Variants in PPP4R4 observed in about 807,000 individuals in gnomAD.
PPP4R4 encodes serine/threonine-protein phosphatase 4 regulatory subunit 4.
In PPP4R4, 70 loss-of-function variants were observed where a neutral mutation model predicts 121.8. The ratio of observed to expected loss-of-function variants is 0.57; its 90% CI spans 0.47 to 0.70. PPP4R4 has a LOEUF of 0.70. Among genes scored for constraint, PPP4R4 ranks in the 30% least tolerant of loss-of-function variants. The pLI is 0.00. For missense variants in PPP4R4, 875 were observed against 1,033.6 expected, an observed-to-expected ratio of 0.85 and a Z score of 2.10; for synonymous variants, 348 against 355.7, an observed-to-expected ratio of 0.98 and a Z score of 0.24.
intron 3 of PPP4R4, among the ~76,000 whole-genome samples, chr14:94,217,564 A>G (rs968203725): frequency 6.6e-6 from 1 of 152,214 alleles, no homozygotes; most frequent in Non-Finnish European, 1.5e-5. Context: ...GTCAGAGATG[A>G]CCCAGATATT....
Position 94,250,040 on chromosome 14 carries a change from A to T in PPP4R4, c.1612-132A>T, listed in dbSNP as rs77922833. 4,071 of 597,440 alleles carry T rather than the reference A, an allele frequency of 6.8e-3. 120 individuals are homozygous for T. Among genetic ancestry groups the T allele is most frequent in the African/African-American group, 0.066 (3,572 of 54,180 alleles). 37.0% of individuals were successfully genotyped at this position (597,440 alleles called of 1,614,324 possible). ...AAATTATGAAGATACTTCCAGAAGG[A>T]TGTAAGTTCAGTGAGTTGAGAGGCA... is the stretch of plus-strand genomic sequence containing the variant. On this transcript the variant is annotated intron_variant, in intron 14 of 24. Coordinates refer to ENST00000304338, the MANE Select transcript of PPP4R4 (RefSeq NM_058237.2).
At position 94,174,602 on chromosome 14, in the gene PPP4R4, C is replaced by T; in HGVS notation, c.117+20C>T. Reference sequence around the variant, plus strand: ...CTCAAGGTGCGCCCCGGGGAGAGGACCTGCCCTCACGGCGTCCGGCCGCCT... The same window carrying T: ...CTCAAGGTGCGCCCCGGGGAGAGGATCTGCCCTCACGGCGTCCGGCCGCCT... On this transcript the variant is annotated intron_variant, in intron 1 of 24. Transcript: ENST00000304338. The T allele has an allele frequency of 1.9e-6, 3 of 1,607,676 alleles. No homozygotes were observed. The highest frequency in any genetic ancestry group is 2.5e-6 in the Non-Finnish European group (3 of 1,177,252).
Position 94,242,359 on chromosome 14 carries a change from A to G in PPP4R4, c.1217A>G (p.His406Arg), listed in dbSNP as rs780837321. The G allele has an allele frequency of 3.7e-6, 6 of 1,610,498 alleles. No individual in the cohort carries two copies. The highest frequency in any genetic ancestry group is 2.7e-5 in the African/African-American group (2 of 74,780). The change falls in exon 11 of 25, where the codon CAT (histidine) becomes CGT (arginine). Residue 406 changes from histidine (H) to arginine (R), a missense_variant. By Grantham distance (29) the His-to-Arg change is conservative. Coordinates refer to ENST00000304338, the MANE Select transcript of PPP4R4 (RefSeq NM_058237.2). ...ELYSTFFCLC[H>R]DPEVPVRYTI... ...TATTCTACATTCTTCTGCCTTTGCC[A>G]TGACCCTGAAGTACCAGTCAGATAC... is the stretch of plus-strand genomic sequence containing the variant.
chr14:94,225,767 AATG>A (rs1891663732), intron 3 of PPP4R4, among the ~76,000 whole-genome samples: 1 of 152,192 alleles, frequency 6.6e-6, no homozygotes, highest in Non-Finnish European at 1.5e-5. Context: ...ATGAAATTAA[AATG>A]ATATTATCTT....
chr14:94,194,296 G>A (rs1348156867), intron 2 of PPP4R4, among the ~76,000 whole-genome samples: 1 of 152,120 alleles, frequency 6.6e-6, no homozygotes, highest in Non-Finnish European at 1.5e-5. Context: ...TTTGTTGAGT[G>A]GGCTTGTGTT....
intron 3 of PPP4R4, among the ~76,000 whole-genome samples, chr14:94,222,606 T>G (rs1377584528): frequency 6.6e-6 from 1 of 151,924 alleles, no homozygotes; most frequent in African/African-American, 2.4e-5. Context: ...AGAACACCTT[T>G]TAGTATTCAG....
At chr14:94,265,667 A>G (rs1894009066) in intron 21 of PPP4R4, 127 bp from the exon 22 acceptor site, 1 of 838,066 alleles carries the variant, frequency 1.2e-6, no homozygotes, top group Non-Finnish European at 1.9e-6. Context: ...AGTGAGCTCA[A>G]ATTAAGGAAA....
intron 3 of PPP4R4, among the ~76,000 whole-genome samples, chr14:94,224,520 A>G (rs972571505): frequency 1.3e-5 from 2 of 152,196 alleles, no homozygotes; most frequent in Non-Finnish European, 2.9e-5. Context: ...TAAAAAACCA[A>G]TAGTATCAAC....
At position 94,174,591 on chromosome 14, in the gene PPP4R4, C is replaced by A; in HGVS notation, c.117+9C>A. 1 of 1,610,446 alleles carries A rather than the reference C, an allele frequency of 6.2e-7. No individual in the cohort carries two copies. The highest frequency in any genetic ancestry group is 1.1e-5 in the South Asian group (1 of 90,908). On this transcript the variant is annotated intron_variant, in intron 1 of 24. Transcript: ENST00000304338. Reference sequence around the variant, plus strand: ...TCCGCCGGAGCCTCAAGGTGCGCCCCGGGGAGAGGACCTGCCCTCACGGCG... The same window carrying A: ...TCCGCCGGAGCCTCAAGGTGCGCCCAGGGGAGAGGACCTGCCCTCACGGCG...
intron 3 of PPP4R4, among the ~76,000 whole-genome samples, chr14:94,216,737 C>T (rs1488558354): frequency 6.6e-6 from 1 of 152,132 alleles, no homozygotes; most frequent in Non-Finnish European, 1.5e-5. Context: ...GCTTTTACAG[C>T]CCAGGTGAAG....
chr14:94,250,139 A>G (rs1163439100), intron 14 of PPP4R4, 33 bp from the exon 15 acceptor site: 2 of 1,373,884 alleles, frequency 1.5e-6, no homozygotes, highest in African/African-American at 2.9e-5. Flanking sequence ...GAATTAGCCT[A>G]GTGTAACTGT....
chr14:94,174,396 G>C lies in PPP4R4; in HGVS notation c.-70G>C, dbSNP rs1436745244. ...CCGGAGAAAGTCCTGCTGGTGGGCGGCCGCGGGGCTGAGGGCGTCCGGCAT... is the reference window on the plus strand; with the variant it reads ...CCGGAGAAAGTCCTGCTGGTGGGCGCCCGCGGGGCTGAGGGCGTCCGGCAT... On this transcript the variant is annotated 5_prime_UTR_variant, in exon 1 of 25. Transcript: ENST00000304338. The C allele has an allele frequency of 7.7e-7, 1 of 1,298,082 alleles. No individual in the cohort carries two copies. Among genetic ancestry groups the C allele is most frequent in the Admixed American group, 4.2e-5 (1 of 23,566 alleles). 80.4% of individuals were successfully genotyped at this position (1,298,082 alleles called of 1,614,324 possible).
At chr14:94,228,445 A>G (rs1364099029) in intron 3 of PPP4R4, among the ~76,000 whole-genome samples, 1 of 152,168 alleles carries the variant, frequency 6.6e-6, no homozygotes, top group African/African-American at 2.4e-5. Flanking sequence ...GTGATGACTG[A>G]CAGTGTCCCA....
intron 3 of PPP4R4, among the ~76,000 whole-genome samples, chr14:94,219,856 G>C (rs1891289679): frequency 6.6e-6 from 1 of 152,164 alleles, no homozygotes; most frequent in Admixed American, 6.5e-5. Context: ...CAGCTATTAG[G>C]AGGCTGAGGC....
At position 94,237,568 on chromosome 14, in the gene PPP4R4, A is replaced by G. The variant is rs1892407556; in HGVS notation, c.735A>G (p.Thr245=). The change falls in exon 8 of 25, where the codon ACA becomes ACG. Residue 245 remains threonine (T), a synonymous_variant. Transcript: ENST00000304338. ...TCTTCTATTGCTTATTGTGCAGGACAGAACTTACAAAAAGTGTGGTGCTCC... is the reference window on the plus strand; with the variant it reads ...TCTTCTATTGCTTATTGTGCAGGACGGAACTTACAAAAAGTGTGGTGCTCC... The part of the protein sequence containing the change: ...QLENIAQGIG[T]ELTKSVVLPE... 1.2e-6 allele frequency: 2 copies of G among 1,611,546 alleles called. No individual in the cohort carries two copies. The highest frequency in any genetic ancestry group is 1.7e-6 in the Non-Finnish European group (2 of 1,177,658).
chr14:94,199,304 C>T (rs1321440690), intron 2 of PPP4R4, among the ~76,000 whole-genome samples: 2 of 152,210 alleles, frequency 1.3e-5, no homozygotes, highest in Non-Finnish European at 2.9e-5. Flanking sequence ...GGGGGAGTGG[C>T]GTGCTTCTTT....
chr14:94,175,103 A>G (rs1420383464), intron 1 of PPP4R4, among the ~76,000 whole-genome samples: 2 of 149,700 alleles, frequency 1.3e-5, no homozygotes, highest in East Asian at 4.0e-4. Flanking sequence ...ATCGGTCCAC[A>G]CATTCCCAAC....
intron 17 of PPP4R4, among the ~76,000 whole-genome samples, chr14:94,258,148 G>A (rs910668435): frequency 6.6e-6 from 1 of 152,200 alleles, no homozygotes; most frequent in Admixed American, 6.5e-5. Flanking sequence ...TGTTTGTCAT[G>A]GATAGCTTTG....
chr14:94,225,426 G>A lies in PPP4R4; in HGVS notation c.295-5161G>A, dbSNP rs148357022. Among the ~76,000 whole-genome samples, 460 of 151,068 alleles carry A rather than the reference G, an allele frequency of 3.0e-3. 1 individual carries two copies. The highest frequency in any genetic ancestry group is 7.7e-3 in the African/African-American group (317 of 41,146). ...TAAGTGACTTCTCTGACAGCCTTGCGGAGTCCCTGATAAGCCCCTCTGCAG... is the reference window on the plus strand; with the variant it reads ...TAAGTGACTTCTCTGACAGCCTTGCAGAGTCCCTGATAAGCCCCTCTGCAG... On this transcript the variant is annotated intron_variant, in intron 3 of 24. Coordinates refer to ENST00000304338, the MANE Select transcript of PPP4R4 (RefSeq NM_058237.2).
Sources: gnomAD v4.1 joint callset for allele counts (sites outside exome capture counted in the v4.1 genomes callset) on GRCh38, gnomAD v4.1.1 for gene constraint, MANE v1.5 for transcripts, NCBI Gene and HGNC (gene_info 2026-07-23, HGNC 2026-07-21) for gene names.